Variants in INO80C observed in about 807,000 individuals in gnomAD.
The protein encoded by INO80C is INO80 complex subunit C.
INO80C carries 17 observed loss-of-function variants against 17.7 expected under a neutral mutation model. That is an observed-to-expected ratio of 0.96 (90% confidence interval 0.66 to 1.44). The LOEUF (loss-of-function observed/expected upper bound fraction) is 1.44. INO80C is among the 40% of genes most tolerant of loss of function. The pLI, the probability that INO80C is intolerant of heterozygous loss-of-function variation, is 0.00. For synonymous variants in INO80C, 96 were observed against 95.8 expected, an observed-to-expected ratio of 1.00 and a Z score of -0.01; for missense variants, 244 against 245.0, an observed-to-expected ratio of 1.00 and a Z score of 0.03.
At chr18:35,474,205 G>T (rs1163488243) in intron 4 of INO80C, among the ~76,000 whole-genome samples, 3 of 27,246 alleles carry the variant, frequency 1.1e-4, no homozygotes, top group Non-Finnish European at 2.2e-4. Flanking sequence ...GTGTGTGTGT[G>T]TCTATATATA....
chr18:35,486,069 T>C (rs1598746138), intron 1 of INO80C, among the ~76,000 whole-genome samples: 2 of 152,260 alleles, frequency 1.3e-5, no homozygotes, highest in South Asian at 4.1e-4. Flanking sequence ...TATGCTATGA[T>C]TGTGCCACTG....
chr18:35,472,557 C>T (rs11877663), intron 4 of INO80C, among the ~76,000 whole-genome samples: 1 of 152,136 alleles, frequency 6.6e-6, no homozygotes, highest in African/African-American at 2.4e-5. Context: ...GTTGCCTGTT[C>T]ACTGTGATGG....
chr18:35,477,969 A>T (rs2045756689), intron 4 of INO80C, among the ~76,000 whole-genome samples: 1 of 152,222 alleles, frequency 6.6e-6, no homozygotes. Flanking sequence ...TCATCATCTA[A>T]AATGCAGGTT....
chr18:35,484,202 C>T (rs953816301), intron 1 of INO80C, among the ~76,000 whole-genome samples: 4 of 152,030 alleles, frequency 2.6e-5, no homozygotes, highest in Admixed American at 2.6e-4. Context: ...AGATACATAG[C>T]AAATGTAGAA....
Position 35,475,128 on chromosome 18 carries a change from T to C in INO80C, c.447+3154A>G, listed in dbSNP as rs191708427. Among the ~76,000 whole-genome samples the C allele has an allele frequency of 3.8e-5, 5 of 130,186 alleles. No homozygotes were observed. In the Admixed American group the frequency reaches 4.1e-4, roughly 11 times the overall value. 85.4% of individuals were successfully genotyped at this position (130,186 alleles called of 152,430 possible). A position where few individuals can be genotyped will look rare whatever the true frequency, so the allele number is the denominator to read the frequency against. On this transcript the variant is annotated intron_variant, in intron 4 of 4. Transcript: ENST00000334598. ...CAGAAAAATAATACCCTGAGTCATA[T>C]TCAATACCCAGTCATATTCAAACTG...
chr18:35,483,284 T>C (rs1209642969), intron 1 of INO80C: 1 of 152,228 alleles, frequency 6.6e-6, no homozygotes, highest in East Asian at 1.9e-4. Flanking sequence ...ATAAGGAAGA[T>C]TTGATTCTCC....
intron 4 of INO80C, among the ~76,000 whole-genome samples, chr18:35,476,795 G>C (rs1567980585): frequency 6.6e-6 from 1 of 152,158 alleles, no homozygotes; most frequent in Non-Finnish European, 1.5e-5. Flanking sequence ...GAGCCAAGGA[G>C]TTCAAGGCTT....
chr18:35,471,185 A>G (rs1359350938), intron 4 of INO80C, among the ~76,000 whole-genome samples: 1 of 152,224 alleles, frequency 6.6e-6, no homozygotes, highest in Non-Finnish European at 1.5e-5. Flanking sequence ...ACAGACGAAC[A>G]CGTTCTCCTC....
chr18:35,489,907 T>C (rs969099431), intron 1 of INO80C, among the ~76,000 whole-genome samples: 1 of 152,124 alleles, frequency 6.6e-6, no homozygotes, highest in Non-Finnish European at 1.5e-5. Context: ...TCACTTCATC[T>C]TTCCCCCATG....
chr18:35,479,682 A>C (rs1387497780), intron 2 of INO80C, among the ~76,000 whole-genome samples: 2 of 152,186 alleles, frequency 1.3e-5, no homozygotes, highest in African/African-American at 4.8e-5. Flanking sequence ...ACGTAAAAAA[A>C]AAAGCCTTTA....
chr18:35,482,027 G>A (rs2045815300), intron 1 of INO80C, among the ~76,000 whole-genome samples: 1 of 152,164 alleles, frequency 6.6e-6, no homozygotes, highest in South Asian at 2.1e-4. Flanking sequence ...CGTGTTCGTG[G>A]ACGTTCGGTT....
At chr18:35,471,338 C>A (rs998203974) in intron 4 of INO80C, among the ~76,000 whole-genome samples, 2 of 152,222 alleles carry the variant, frequency 1.3e-5, no homozygotes, top group Admixed American at 6.5e-5. Flanking sequence ...TACCCCTATA[C>A]ACATATGTAA....
intron 4 of INO80C, among the ~76,000 whole-genome samples, chr18:35,474,283 C>T (rs1258179953): frequency 3.0e-5 from 4 of 134,012 alleles, no homozygotes; most frequent in African/African-American, 1.1e-4. Flanking sequence ...AAGGAAATCA[C>T]CAGAACCAGA....
chr18:35,483,015 TC>T (rs1246657972), intron 1 of INO80C, among the ~76,000 whole-genome samples: 4 of 152,332 alleles, frequency 2.6e-5, no homozygotes, highest in South Asian at 4.1e-4. Flanking sequence ...TTGCTCCCCA[TC>T]CTTCCTACAT....
chr18:35,481,506 T>C (rs2045808347), intron 1 of INO80C, among the ~76,000 whole-genome samples: 1 of 152,228 alleles, frequency 6.6e-6, no homozygotes, highest in Non-Finnish European at 1.5e-5. Flanking sequence ...TCTACCACAT[T>C]ACTTCTGCCT....
Position 35,497,895 on chromosome 18 carries a change from G to C in INO80C, c.-21C>G. ...GCCATCGCACTCCGAGTCTTCCCCT[G>C]GTCCCCCCACCTTTTTCCCAGCGCG... is the stretch of plus-strand genomic sequence containing the variant. On this transcript the variant is annotated 5_prime_UTR_variant, in exon 1 of 5. Transcript: ENST00000334598. 6.6e-7 allele frequency: 1 copy of C among 1,525,318 alleles called. No individual in the cohort carries two copies. Among genetic ancestry groups the C allele is most frequent in the Admixed American group, 2.1e-5 (1 of 47,510 alleles). 94.5% of individuals were successfully genotyped at this position (1,525,318 alleles called of 1,614,324 possible).
intron 1 of INO80C, among the ~76,000 whole-genome samples, chr18:35,485,040 C>A (rs1412734499): frequency 6.6e-6 from 1 of 152,146 alleles, no homozygotes; most frequent in African/African-American, 2.4e-5. Flanking sequence ...GTGTGCACCC[C>A]TGGAGTCTCT....
At chr18:35,469,222 A>G (rs2045639880) in intron 4 of INO80C, among the ~76,000 whole-genome samples, 1 of 152,120 alleles carries the variant, frequency 6.6e-6, no homozygotes, top group African/African-American at 2.4e-5. Flanking sequence ...TGCCTCCCTG[A>G]GCAACTCTGT....
At chr18:35,493,386 G>C (rs962880992) in intron 1 of INO80C, among the ~76,000 whole-genome samples, 19 of 152,200 alleles carry the variant, frequency 1.2e-4, no homozygotes, top group African/African-American at 4.3e-4. Context: ...AACTGTTATA[G>C]TGAAAATATA....
Sources: gnomAD v4.1 joint callset for allele counts (sites outside exome capture counted in the v4.1 genomes callset) on GRCh38, gnomAD v4.1.1 for gene constraint, MANE v1.5 for transcripts, NCBI Gene and HGNC (gene_info 2026-07-23, HGNC 2026-07-21) for gene names.